ENKD1: variants seen among roughly 807,000 people sequenced by gnomAD.
ENKD1 encodes the protein enkurin domain containing 1.
A neutral mutation model predicts 35.8 loss-of-function variants in ENKD1; 39 were observed. That is an observed-to-expected ratio of 1.09 (90% CI 0.84 to 1.42). ENKD1 has a LOEUF of 1.42. ENKD1 is among the 40% of genes most tolerant of loss of function. The pLI, the probability that ENKD1 is intolerant of heterozygous loss-of-function variation, is 0.00. For synonymous variants in ENKD1, 205 were observed against 198.6 expected (o/e 1.03, Z -0.27); for missense variants, 474 against 471.3 (o/e 1.01, Z -0.05).
At chr16:67,664,676 G>C (rs972331933) in intron 3 of ENKD1, among the ~76,000 whole-genome samples, 1 of 152,104 alleles carries the variant, frequency 6.6e-6, no homozygotes, top group African/African-American at 2.4e-5. Context: ...CTGACTTCTT[G>C]GCCTAACTTC....
At chr16:67,665,642 G>T (rs978140251) in intron 2 of ENKD1, among the ~76,000 whole-genome samples, 1 of 152,192 alleles carries the variant, frequency 6.6e-6, no homozygotes, top group Non-Finnish European at 1.5e-5. Flanking sequence ...GATTCCAGGA[G>T]TGAGCCACTG....
In ENKD1 at chr16:67,666,256, C is replaced by A; in HGVS notation, c.95G>T (p.Arg32Leu). Reference sequence around the variant, plus strand: ...CAGCTTCAGCGCGTTTCCCTCGAGGCGCCCTTGAGCTGTGGGGCGGAGCCG... The same window carrying A: ...CAGCTTCAGCGCGTTTCCCTCGAGGAGCCCTTGAGCTGTGGGGCGGAGCCG... ...NYRRPTSAQG[R>L]LEGNALKLDL... Residue 32 changes from arginine (R) to leucine (L), a missense_variant, in exon 2 of 7, where the codon CGC (arginine) becomes CTC (leucine). By Grantham distance (102) the Arg-to-Leu change is moderately radical. Coordinates refer to ENST00000243878, the MANE Select transcript of ENKD1 (RefSeq NM_032140.3). 1 of 1,602,102 alleles carries A rather than the reference C, an allele frequency of 6.2e-7. No homozygotes were observed. The highest frequency in any genetic ancestry group is 8.5e-7 in the Non-Finnish European group (1 of 1,174,120).
At chr16:67,665,920 G>T in intron 2 of ENKD1, 151 bp downstream of exon 2, 3 of 835,320 alleles carry the variant, frequency 3.6e-6, no homozygotes, top group Non-Finnish European at 5.6e-6. Context: ...CTTCGAGAAG[G>T]TAGCATATTT....
Position 67,663,939 on chromosome 16 carries a change from T to A in ENKD1, c.577A>T (p.Lys193Ter). The change falls in exon 4 of 7, where the codon AAG becomes TAG. Residue 193 changes from lysine to a stop codon, truncating the protein, a stop_gained and splice_region_variant. Transcript: ENST00000243878. LOFTEE classifies it high-confidence loss of function. ...PQPTPPGPEAKEPGLGVDFIR... is the reference protein window; with the variant it reads ...PQPTPPGPEA Reference sequence around the variant, plus strand: ...CTAGCCCCCATACATCCTCTCACCTTAGCTTCGGGACCTGGTGGGGTTGGC... The same window carrying A: ...CTAGCCCCCATACATCCTCTCACCTAAGCTTCGGGACCTGGTGGGGTTGGC... 1.2e-6 allele frequency: 2 copies of A among 1,606,576 alleles called. No individual in the cohort carries two copies. The highest frequency in any genetic ancestry group is 1.7e-6 in the Non-Finnish European group (2 of 1,176,514).
rs761787336 is a variant in ENKD1 at position 67,666,410 on chromosome 16, G to A, written c.33C>T (p.Pro11=). Residue 11 remains proline, a synonymous_variant, in exon 1 of 7, where the codon CCC becomes CCT. Coordinates refer to ENST00000243878, the MANE Select transcript of ENKD1 (RefSeq NM_032140.3). ...GACAGAGCGTCGGGTCTGGGGGGAT[G>A]GGCCCCGAGATGCGGGACGGGCCCT... MCEGPSRISG[P]IPPDPTLCPD... is the part of the protein sequence containing the mutation. 9.0e-5 allele frequency: 140 copies of A among 1,556,200 alleles called. No individual in the cohort carries two copies. Among genetic ancestry groups the A allele is most frequent in the Non-Finnish European group, 1.2e-4 (135 of 1,159,772 alleles).
chr16:67,664,532 C>T (rs1010122686), intron 3 of ENKD1: 19 of 333,620 alleles, frequency 5.7e-5, no homozygotes, highest in Non-Finnish European at 9.7e-5. Flanking sequence ...TTTGTGTGAC[C>T]TTGCCTTTCC....
rs2142988417 is a variant in ENKD1, at chr16:67,666,581, T to C, written c.-139A>G. The C allele has an allele frequency of 2.6e-6, 2 of 777,498 alleles. No individual in the cohort carries two copies. Among genetic ancestry groups the C allele is most frequent in the South Asian group, 4.6e-5 (2 of 43,472 alleles). 48.2% of individuals were successfully genotyped at this position (777,498 alleles called of 1,614,324 possible). A position where few individuals can be genotyped will look rare whatever the true frequency, so the allele number is the denominator to read the frequency against. On this transcript the variant is annotated 5_prime_UTR_variant, in exon 1 of 7. Transcript: ENST00000243878. The stretch of plus-strand genomic sequence containing the variant: ...GGCGTGCCCGCCACTCCCGGGCCCC[T>C]GCCGGTCCCCGCCTGGGCCCCGGCC...
chr16:67,664,964 GGAT>G, intron 3 of ENKD1, 29 bp downstream of exon 3: 2 of 1,572,428 alleles, frequency 1.3e-6, no homozygotes, highest in Non-Finnish European at 1.7e-6. Flanking sequence ...CCAACAAAAT[GGAT>G]AATACTTCTG....
intron 2 of ENKD1, 106 bp downstream of exon 2, chr16:67,665,963 CAA>C: frequency 8.2e-7 from 1 of 1,221,144 alleles, no homozygotes; most frequent in Non-Finnish European, 1.1e-6. Context: ...AACTGAGACT[CAA>C]GAGATGCAAA....
In ENKD1 at chr16:67,663,499, C is replaced by T; in HGVS notation, c.801G>A (p.Gln267=). Residue 267 remains glutamine (Q), a synonymous_variant, in exon 6 of 7, where the codon CAG becomes CAA. Transcript: ENST00000243878. ...GGCCTGGGGGCATGGCAGGGTCCGGCTGGCTCTGCTTGCGGGCCTCGGCCT... is the reference window on the plus strand; with the variant it reads ...GGCCTGGGGGCATGGCAGGGTCCGGTTGGCTCTGCTTGCGGGCCTCGGCCT... The part of the protein sequence containing the change: ...RREAEARKQS[Q]PDPAMPPGHT... 1.2e-6 allele frequency: 2 copies of T among 1,612,620 alleles called. No homozygotes were observed. The highest frequency in any genetic ancestry group is 2.2e-5 in the South Asian group (2 of 91,068).
intron 5 of ENKD1, 36 bp from the exon 6 acceptor site, chr16:67,663,592 G>A: frequency 1.2e-6 from 2 of 1,605,204 alleles, no homozygotes; most frequent in Non-Finnish European, 1.7e-6. Flanking sequence ...ATGACCCGAG[G>A]GCAGAGGTTG....
In ENKD1 at chr16:67,666,562, C is replaced by T; in HGVS notation, c.-120G>A. On this transcript the variant is annotated 5_prime_UTR_variant, in exon 1 of 7. Coordinates refer to ENST00000243878, the MANE Select transcript of ENKD1 (RefSeq NM_032140.3). ...CGCCCGGCACCCTGACCCTGGCGTG[C>T]CCGCCACTCCCGGGCCCCTGCCGGT... 1.1e-6 allele frequency: 1 copy of T among 948,224 alleles called. No homozygotes were observed. The highest frequency in any genetic ancestry group is 1.5e-6 in the Non-Finnish European group (1 of 686,156). 58.7% of individuals were successfully genotyped at this position (948,224 alleles called of 1,614,324 possible).
Position 67,663,765 on chromosome 16 carries a change from G to T in ENKD1, c.635C>A (p.Ala212Asp). Residue 212 changes from alanine to aspartate, a missense_variant, in exon 5 of 7, where the codon GCC (alanine) becomes GAC (aspartate). Physicochemically the swap from Ala to Asp is moderately radical, Grantham distance 126. Transcript: ENST00000243878. ...IRHNARAAKR[A>D]PRRHSCSLQV... is the part of the protein sequence containing the mutation. The stretch of plus-strand genomic sequence containing the variant: ...CAGTGAGCAGGAATGCCTCCGGGGG[G>T]CTCTCTTGGCAGCTCGTGCATTGTG... 1.2e-6 allele frequency: 2 copies of T among 1,610,692 alleles called. No homozygotes were observed. The highest frequency in any genetic ancestry group is 2.2e-5 in the South Asian group (2 of 90,482).
intron 2 of ENKD1, 32 bp downstream of exon 2, chr16:67,666,039 T>TC (rs766097542): frequency 3.7e-6 from 6 of 1,605,042 alleles, no homozygotes; most frequent in Non-Finnish European, 5.1e-6. Context: ...CCGCACTGCC[T>TC]CTCTGTCCCT....
intron 5 of ENKD1, 27 bp downstream of exon 5, chr16:67,663,630 C>A: frequency 1.2e-6 from 2 of 1,605,174 alleles, no homozygotes; most frequent in South Asian, 2.2e-5. Flanking sequence ...GTGTCCTTCA[C>A]CCTGAGTGTC....
chr16:67,665,993 G>C, intron 2 of ENKD1, 78 bp downstream of exon 2: 1 of 1,483,316 alleles, frequency 6.7e-7, no homozygotes, highest in Non-Finnish European at 9.2e-7. Context: ...CCCACGTCAG[G>C]GTGGAAAGAG....
In ENKD1 at chr16:67,664,668, G is replaced by C. The variant is rs561426268; in HGVS notation, c.453+328C>G. ...TGTGGCCCCTGACGTGGGTCCAGCTGACTTCTTGGCCTAACTTCACGCCCT... is the reference window on the plus strand; with the variant it reads ...TGTGGCCCCTGACGTGGGTCCAGCTCACTTCTTGGCCTAACTTCACGCCCT... On this transcript the variant is annotated intron_variant, in intron 3 of 6. Coordinates refer to ENST00000243878, the MANE Select transcript of ENKD1 (RefSeq NM_032140.3). 1.7e-4 allele frequency among the ~76,000 whole-genome samples: 26 copies of C among 152,296 alleles called. No individual in the cohort carries two copies. In the South Asian group the frequency reaches 5.2e-3, roughly 30 times the overall value.
rs750759275 is a variant in ENKD1, at chr16:67,663,468, G to T, written c.832C>A (p.Arg278Ser). 1 of 1,613,290 alleles carries T rather than the reference G, an allele frequency of 6.2e-7. No individual in the cohort carries two copies. The highest frequency in any genetic ancestry group is 1.1e-5 in the South Asian group (1 of 91,076). The change falls in exon 6 of 7, where the codon CGC (arginine) becomes AGC (serine). Residue 278 changes from arginine to serine, a missense_variant. Arg to Ser is a moderately radical substitution (Grantham distance 110, BLOSUM62 -1). Coordinates refer to ENST00000243878, the MANE Select transcript of ENKD1 (RefSeq NM_032140.3). ...PDPAMPPGHT[R>S]MPENQRLETL... ...TCCAGCCGCTGGTTCTCAGGCATGCGCGTGTGGCCTGGGGGCATGGCAGGG... is the reference window on the plus strand; with the variant it reads ...TCCAGCCGCTGGTTCTCAGGCATGCTCGTGTGGCCTGGGGGCATGGCAGGG...
intron 3 of ENKD1, 55 bp from the exon 4 acceptor site, chr16:67,664,117 C>T: frequency 6.0e-6 from 9 of 1,490,940 alleles, no homozygotes; most frequent in African/African-American, 1.4e-5. Context: ...GGGGCTCAAG[C>T]TGCAAGACCC....
Sources: allele counts gnomAD v4.1 joint callset (sites outside exome capture counted in the v4.1 genomes callset), GRCh38; gene constraint gnomAD v4.1.1; transcripts MANE v1.5; gene names NCBI Gene and HGNC (gene_info 2026-07-23, HGNC 2026-07-21).